ASIC2: variants seen among roughly 807,000 people sequenced by gnomAD.
The protein encoded by ASIC2 is acid-sensing ion channel 2.
In ASIC2, 25 loss-of-function variants were observed where a neutral mutation model predicts 57.3. The observed-to-expected ratio is 0.44, with a 90% CI of 0.32 to 0.61. The LOEUF is 0.61. Among genes scored for constraint, ASIC2 ranks in the 20% least tolerant of loss-of-function variants. The pLI, the probability that ASIC2 is intolerant of heterozygous loss-of-function variation, is 0.06. For missense variants in ASIC2, 641 were observed against 738.1 expected (o/e 0.87, Z 1.52); for synonymous variants, 319 against 307.5 (o/e 1.04, Z -0.39).
chr17:33,470,470 C>A (rs1913011681), intron 1 of ASIC2, among the ~76,000 whole-genome samples: 1 of 146,112 alleles, frequency 6.8e-6, no homozygotes, highest in South Asian at 2.2e-4. Flanking sequence ...TAAAAAATCT[C>A]CTGGAGATCT....
At chr17:33,910,572 T>G (rs922836738) in intron 1 of ASIC2, among the ~76,000 whole-genome samples, 1 of 152,176 alleles carries the variant, frequency 6.6e-6, no homozygotes, top group African/African-American at 2.4e-5. Context: ...TTGTCACAAT[T>G]TTAATTGCAT....
chr17:33,574,556 AT>A (rs751711213), intron 1 of ASIC2, among the ~76,000 whole-genome samples: 1 of 152,142 alleles, frequency 6.6e-6, no homozygotes, highest in Non-Finnish European at 1.5e-5. Context: ...ACAGTAGCAA[AT>A]TCTCTCCCAC....
intron 1 of ASIC2, among the ~76,000 whole-genome samples, chr17:33,874,747 C>T (rs1914509703): frequency 6.6e-6 from 1 of 152,238 alleles, no homozygotes; most frequent in African/African-American, 2.4e-5. Flanking sequence ...CAGTGCTTCT[C>T]AATAGTTCCT....
rs182654172 is a variant in ASIC2, at chr17:33,282,126, A to G, written c.708+9282T>C. On this transcript the variant is annotated intron_variant, in intron 1 of 9. Transcript: ENST00000225823. ...ACTAATGTGGATTCAGGTCTGTAAT[A>G]GAAAGTGTTTTGTACATCAGAAACA... Among the ~76,000 whole-genome samples the G allele has an allele frequency of 8.5e-5, 13 of 152,388 alleles. No individual in the cohort carries two copies. The East Asian group carries it at 2.5e-3, about 29-fold the overall frequency.
At chr17:34,010,124 G>A (rs757974695) in intron 1 of ASIC2, among the ~76,000 whole-genome samples, 16 of 152,206 alleles carry the variant, frequency 1.1e-4, no homozygotes, top group Non-Finnish European at 1.6e-4. Context: ...TTGCTCCTGG[G>A]CTGGTGGGCA....
At chr17:33,559,801 G>C (rs1416258351) in intron 1 of ASIC2, among the ~76,000 whole-genome samples, 2 of 152,166 alleles carry the variant, frequency 1.3e-5, no homozygotes. Context: ...CCAACACACA[G>C]TGTAGTACCT....
chr17:34,036,200 T>G (rs1446211368), intron 1 of ASIC2, among the ~76,000 whole-genome samples: 1 of 150,544 alleles, frequency 6.6e-6, no homozygotes. Context: ...CCATAAAAAA[T>G]GATGAGTTCA....
chr17:34,107,024 T>C (rs563357179), intron 1 of ASIC2, among the ~76,000 whole-genome samples: 7 of 152,302 alleles, frequency 4.6e-5, no homozygotes, highest in Non-Finnish European at 4.4e-5. Flanking sequence ...AACCTAGATA[T>C]GCATACATGC....
chr17:33,423,877 T>C (rs1597723432), intron 1 of ASIC2, among the ~76,000 whole-genome samples: 1 of 152,292 alleles, frequency 6.6e-6, no homozygotes, highest in East Asian at 1.9e-4. Context: ...AGCAAGAAGG[T>C]TCAGGATGCT....
intron 1 of ASIC2, among the ~76,000 whole-genome samples, chr17:34,025,552 G>A (rs570134416): frequency 4.6e-5 from 7 of 152,246 alleles, no homozygotes; most frequent in Admixed American, 6.5e-5. Context: ...TACCTCAAAG[G>A]TTTTCTCAAA....
At chr17:34,026,456 C>A (rs1248985872) in intron 1 of ASIC2, among the ~76,000 whole-genome samples, 12 of 152,174 alleles carry the variant, frequency 7.9e-5, no homozygotes, top group Non-Finnish European at 1.8e-4. Context: ...CGATGAGTTT[C>A]ATTCCTAAAG....
chr17:33,723,305 A>G (rs999600640), intron 1 of ASIC2, among the ~76,000 whole-genome samples: 1 of 152,124 alleles, frequency 6.6e-6, no homozygotes, highest in African/African-American at 2.4e-5. Flanking sequence ...CTATGATTCC[A>G]TTTATTTACT....
At chr17:33,229,853 G>A (rs1337744967) in intron 1 of ASIC2, among the ~76,000 whole-genome samples, 1 of 152,222 alleles carries the variant, frequency 6.6e-6, no homozygotes, top group African/African-American at 2.4e-5. Context: ...CTCCTGGAGG[G>A]AGTGAGCTCC....
At position 33,348,330 on chromosome 17, in the gene ASIC2, G is replaced by A. The variant is rs139030169; in HGVS notation, c.556-236263C>T. 3.4e-3 allele frequency among the ~76,000 whole-genome samples: 519 copies of A among 152,248 alleles called. 2 individuals are homozygous for A. Among genetic ancestry groups the A allele is most frequent in the South Asian group, 7.9e-3 (38 of 4,812 alleles). ...GACACTAACTTCCAAAGAACTCTGC[G>A]TGTGTATGTGTGTGTGTGGAGGAGA... On this transcript the variant is annotated intron_variant, in intron 1 of 9. Transcript: ENST00000359872.
chr17:33,116,369 C>T (rs1262483880), intron 1 of ASIC2, among the ~76,000 whole-genome samples: 1 of 152,212 alleles, frequency 6.6e-6, no homozygotes, highest in African/African-American at 2.4e-5. Flanking sequence ...AGAACACACG[C>T]TTCAAATTTA....
chr17:33,676,846 G>C (rs1298949869), intron 1 of ASIC2, among the ~76,000 whole-genome samples: 1 of 151,200 alleles, frequency 6.6e-6, no homozygotes, highest in Non-Finnish European at 1.5e-5. Context: ...CATTGTTGGG[G>C]GTGGGGCCTG....
intron 1 of ASIC2, among the ~76,000 whole-genome samples, chr17:33,986,916 A>G (rs1445578284): frequency 6.6e-6 from 1 of 152,212 alleles, no homozygotes; most frequent in Non-Finnish European, 1.5e-5. Context: ...ATGCCAAGGT[A>G]CGGAATCAGA....
At chr17:34,095,646 T>TAGAGAGAGAG (rs766446600) in intron 1 of ASIC2, among the ~76,000 whole-genome samples, 16 of 118,998 alleles carry the variant, frequency 1.3e-4, no homozygotes, top group African/African-American at 5.9e-4. Context: ...TATATATATA[T>TAGAGAGAGAG]ATATATATAA....
chr17:33,690,660 G>A (rs1009850438), intron 1 of ASIC2, among the ~76,000 whole-genome samples: 1 of 150,750 alleles, frequency 6.6e-6, no homozygotes, highest in Non-Finnish European at 1.5e-5. Flanking sequence ...GGCTGTCAAA[G>A]TAAGTCTACC....
Sources: gnomAD v4.1 joint callset for allele counts (sites outside exome capture counted in the v4.1 genomes callset) on GRCh38, gnomAD v4.1.1 for gene constraint, MANE v1.5 for transcripts, NCBI Gene and HGNC (gene_info 2026-07-23, HGNC 2026-07-21) for gene names.